The following MRPL3 variants were observed in gnomAD, a reference collection of about 807,000 sequenced individuals.
MRPL3 encodes mitochondrial ribosomal protein L3.
In MRPL3, 43 loss-of-function variants were observed where a neutral mutation model predicts 44.3. The observed-to-expected ratio is 0.97, with a 90% CI of 0.76 to 1.25. The LOEUF is 1.25. Ranked by LOEUF, MRPL3 falls within the 50% of genes most tolerant of loss-of-function variation. The probability of loss-of-function intolerance (pLI) is 0.00; values close to 1 mark genes in which losing one functional copy is unlikely to be tolerated. For synonymous variants in MRPL3, 171 were observed against 152.3 expected (o/e 1.12, Z -0.91); for missense variants, 406 against 427.6 (o/e 0.95, Z 0.45).
At chr3:131,475,212 C>A (rs2110699204) in intron 6 of MRPL3, among the ~76,000 whole-genome samples, 1 of 152,152 alleles carries the variant, frequency 6.6e-6, no homozygotes, top group East Asian at 1.9e-4. Context: ...ACTGTTCAGG[C>A]CATTTACAAA....
Position 131,497,419 on chromosome 3 carries a change from CAG to C in MRPL3, c.468+758_468+759del, listed in dbSNP as rs539767773. 1.1e-4 allele frequency among the ~76,000 whole-genome samples: 17 copies of C among 152,260 alleles called. No individual in the cohort carries two copies. In the South Asian group the frequency reaches 3.5e-3, roughly 32 times the overall value. ...ATAAACACCTGATAGTTTTGACAGTCAGAGAGTATGGGTTGTATCCTAATTTC... is the reference window on the plus strand; with the variant it reads ...ATAAACACCTGATAGTTTTGACAGTCAGAGTATGGGTTGTATCCTAATTTC... On this transcript the variant is annotated intron_variant, in intron 4 of 9. Transcript: ENST00000264995.
chr3:131,487,625 T>G, intron 6 of MRPL3, 55 bp downstream of exon 6: 1 of 1,330,262 alleles, frequency 7.5e-7, no homozygotes, highest in Non-Finnish European at 1.1e-6. Flanking sequence ...ACTTATTCTA[T>G]TCTCTTTTAA....
chr3:131,486,444 AT>A (rs1553718275), intron 6 of MRPL3, among the ~76,000 whole-genome samples: 2,590 of 139,402 alleles, frequency 0.019, 26 homozygotes, highest in Middle Eastern at 0.056. Flanking sequence ...TGGGAGAAAA[AT>A]TTTTTTTTTT....
At chr3:131,479,482 G>A (rs1267230811) in intron 6 of MRPL3, among the ~76,000 whole-genome samples, 1 of 152,152 alleles carries the variant, frequency 6.6e-6, no homozygotes, top group African/African-American at 2.4e-5. Context: ...CAGGAAAATG[G>A]AGATTCACCT....
rs571630615 is a variant in MRPL3, at chr3:131,502,899, C to A, written c.-78G>T. On this transcript the variant is annotated 5_prime_UTR_variant, in exon 1 of 10. Transcript: ENST00000264995. The stretch of plus-strand genomic sequence containing the variant: ...CTTTCAGGGAGTCCCCACGCCACCG[C>A]CACGTGGACGCAGTAGCCGTGGGGA... The A allele has an allele frequency of 9.0e-5, 119 of 1,326,286 alleles. No individual in the cohort carries two copies. The African/African-American group carries it at 1.6e-3, about 17-fold the overall frequency. The allele number at this position is 1,326,286 out of a possible 1,614,324, so 82.2% of individuals were successfully genotyped here. A position where few individuals can be genotyped will look rare whatever the true frequency, so the allele number is the denominator to read the frequency against.
In MRPL3 at chr3:131,468,266, G is replaced by T. The variant is rs1933666478; in HGVS notation, c.817-98C>A. ...GTAAGTTGCTTGTAAAGTAATAAAA[G>T]ATTATTACCAGTACTTCAGAATGTT... is the stretch of plus-strand genomic sequence containing the variant. On this transcript the variant is annotated intron_variant, in intron 8 of 9. Coordinates refer to ENST00000264995, the MANE Select transcript of MRPL3 (RefSeq NM_007208.4). 7 of 631,474 alleles carry T rather than the reference G, an allele frequency of 1.1e-5. No homozygotes were observed. The South Asian group carries it at 1.8e-4, about 16-fold the overall frequency. The allele number at this position is 631,474 out of a possible 1,614,324, so 39.1% of individuals were successfully genotyped here.
chr3:131,486,650 G>C (rs1934132507), intron 6 of MRPL3, among the ~76,000 whole-genome samples: 1 of 151,814 alleles, frequency 6.6e-6, no homozygotes, highest in Admixed American at 6.5e-5. Flanking sequence ...GTGGGCAAAG[G>C]ATATGAACAG....
chr3:131,501,040 A>G (rs1934487674), intron 2 of MRPL3, among the ~76,000 whole-genome samples: 1 of 152,230 alleles, frequency 6.6e-6, no homozygotes, highest in Non-Finnish European at 1.5e-5. Flanking sequence ...CGACTGTCAC[A>G]ATAAACCCTA....
intron 6 of MRPL3, among the ~76,000 whole-genome samples, chr3:131,480,664 C>T (rs1933963194): frequency 6.6e-6 from 1 of 152,144 alleles, no homozygotes; most frequent in African/African-American, 2.4e-5. Flanking sequence ...GTCCTGGGCA[C>T]ACTCTGTTCT....
intron 1 of MRPL3, among the ~76,000 whole-genome samples, chr3:131,502,113 G>A (rs1339731343): frequency 6.6e-6 from 1 of 152,188 alleles, no homozygotes; most frequent in African/African-American, 2.4e-5. Context: ...CAATGACATG[G>A]CCTAGGTTCA....
intron 6 of MRPL3, among the ~76,000 whole-genome samples, chr3:131,483,799 GTGTT>G (rs1393561326): frequency 6.6e-6 from 1 of 151,888 alleles, no homozygotes; most frequent in African/African-American, 2.4e-5. Flanking sequence ...AATGCAGACA[GTGTT>G]TGTTCCTATA....
At chr3:131,497,016 G>A (rs571746856) in intron 4 of MRPL3, among the ~76,000 whole-genome samples, 1 of 152,342 alleles carries the variant, frequency 6.6e-6, no homozygotes, top group East Asian at 1.9e-4. Flanking sequence ...TCTCTGGCAT[G>A]CCTGTAACAC....
rs773396692 is a variant in MRPL3 at position 131,500,430 on chromosome 3, C to T, written c.369G>A (p.Gln123=). 1.2e-6 allele frequency: 2 copies of T among 1,611,752 alleles called. No homozygotes were observed. The highest frequency in any genetic ancestry group is 1.7e-6 in the Non-Finnish European group (2 of 1,178,102). The change falls in exon 3 of 10, where the codon CAG becomes CAA. Residue 123 remains glutamine (Q), a splice_region_variant and synonymous_variant. Coordinates refer to ENST00000264995, the MANE Select transcript of MRPL3 (RefSeq NM_007208.4). ...DGQKHVVTLL[Q]VQDCHVLKYT... ...CTTACGTCTTCTGTTTCTCTCTTACCTGAAGTAATGTGACCACATGCTTTT... is the reference window on the plus strand; with the variant it reads ...CTTACGTCTTCTGTTTCTCTCTTACTTGAAGTAATGTGACCACATGCTTTT...
At chr3:131,496,217 C>T (rs1934368097) in intron 4 of MRPL3, among the ~76,000 whole-genome samples, 1 of 152,156 alleles carries the variant, frequency 6.6e-6, no homozygotes, top group Admixed American at 6.5e-5. Context: ...AAGAATTACT[C>T]ATATGAAGGC....
chr3:131,478,089 C>A (rs546434282), intron 6 of MRPL3, among the ~76,000 whole-genome samples: 26 of 152,168 alleles, frequency 1.7e-4, no homozygotes, highest in Non-Finnish European at 3.5e-4. Flanking sequence ...CAATTTAGAG[C>A]TGTAATGGCA....
At chr3:131,484,977 A>G (rs1462692610) in intron 6 of MRPL3, among the ~76,000 whole-genome samples, 1 of 152,182 alleles carries the variant, frequency 6.6e-6, no homozygotes, top group Non-Finnish European at 1.5e-5. Flanking sequence ...TGTAGCCCAT[A>G]TAACAGTGGT....
chr3:131,462,924 T>C (rs1933523872), intron 9 of MRPL3, 49 bp from the exon 10 acceptor site: 4 of 1,505,970 alleles, frequency 2.7e-6, no homozygotes, highest in Non-Finnish European at 3.6e-6. Context: ...TCTTTAAAGG[T>C]AGACTTTTCA....
chr3:131,469,812 T>A, intron 7 of MRPL3, 39 bp from the exon 8 acceptor site: 1 of 1,383,092 alleles, frequency 7.2e-7, no homozygotes, highest in Non-Finnish European at 1.0e-6. Context: ...TTAAGTACTA[T>A]CAATTTTAAA....
intron 3 of MRPL3, among the ~76,000 whole-genome samples, 165 bp downstream of exon 3, chr3:131,500,265 A>T (rs1009578382): frequency 3.3e-5 from 5 of 152,256 alleles, no homozygotes; most frequent in African/African-American, 1.2e-4. Context: ...GAGTGAGAAC[A>T]TTCCTGAAAC....
Sources: gnomAD v4.1 joint callset for allele counts (sites outside exome capture counted in the v4.1 genomes callset) on GRCh38, gnomAD v4.1.1 for gene constraint, MANE v1.5 for transcripts, NCBI Gene and HGNC (gene_info 2026-07-23, HGNC 2026-07-21) for gene names.